The following DAB1 variants were observed in gnomAD, a reference collection of about 807,000 sequenced individuals.
DAB1 encodes DAB adaptor protein 1.
In DAB1, 15 loss-of-function variants were observed where a neutral mutation model predicts 64.6. The ratio of observed to expected loss-of-function variants is 0.23; its 90% CI spans 0.16 to 0.36. The LOEUF is 0.36. DAB1 is among the 10% of genes least tolerant of loss of function. The pLI, the probability that DAB1 is intolerant of heterozygous loss-of-function variation, is 1.00. For missense variants in DAB1, 596 were observed against 706.7 expected (o/e 0.84, Z 1.78); for synonymous variants, 235 against 251.9 (o/e 0.93, Z 0.64).
Position 58,277,424 on chromosome 1 carries a change from G to A in DAB1, n.309+65928C>T, listed in dbSNP as rs533468358. 2.6e-5 allele frequency among the ~76,000 whole-genome samples: 4 copies of A among 152,290 alleles called. No individual in the cohort carries two copies. The South Asian group carries it at 8.3e-4, about 32-fold the overall frequency. On this transcript the variant is annotated intron_variant and non_coding_transcript_variant, in intron 4 of 20. Transcript: ENST00000485760. ...TACTCAAATATCATCCGTGCTAAAG[G>A]ATTTTAAGATGAGATTGAGCTTCAC...
At chr1:57,389,614 A>G (rs1682176329) in intron 1 of DAB1, among the ~76,000 whole-genome samples, 1 of 152,190 alleles carries the variant, frequency 6.6e-6, no homozygotes, top group South Asian at 2.1e-4. Flanking sequence ...AACAAAAGAA[A>G]TGAAGGATGG....
intron 5 of DAB1, among the ~76,000 whole-genome samples, chr1:58,131,774 G>T (rs56378885): frequency 0.17 from 23,356 of 140,974 alleles, 1,808 homozygotes; most frequent in East Asian, 0.31. Context: ...CTGCTCGGGG[G>T]TCAGGGGTCA....
chr1:57,029,137 G>C (rs1032889096), intron 9 of DAB1, among the ~76,000 whole-genome samples: 13 of 152,180 alleles, frequency 8.5e-5, no homozygotes, highest in Non-Finnish European at 1.6e-4. Context: ...ATACAGTCTA[G>C]GGACTTGGTG....
At position 58,182,777 on chromosome 1, in the gene DAB1, G is replaced by A. The variant is rs555980894; in HGVS notation, n.310-32189C>T. Reference sequence around the variant, plus strand: ...TAGCTGCTTTGAAGTCTTTTTCTGCGAAGTCCAAATCTGTACCCGTCAAAT... The same window carrying A: ...TAGCTGCTTTGAAGTCTTTTTCTGCAAAGTCCAAATCTGTACCCGTCAAAT... On this transcript the variant is annotated intron_variant and non_coding_transcript_variant, in intron 4 of 20. Transcript: ENST00000485760. 3.4e-4 allele frequency among the ~76,000 whole-genome samples: 51 copies of A among 151,860 alleles called. 1 individual carries two copies. Among genetic ancestry groups the A allele is most frequent in the Middle Eastern group, 3.4e-3 (1 of 294 alleles).
chr1:57,085,225 A>G (rs988322910), intron 4 of DAB1, among the ~76,000 whole-genome samples: 1 of 152,298 alleles, frequency 6.6e-6, no homozygotes, highest in South Asian at 2.1e-4. Flanking sequence ...TCTGATGCCA[A>G]GCTTCATGCC....
At chr1:58,288,373 A>G (rs1196577172) in intron 4 of DAB1, among the ~76,000 whole-genome samples, 1 of 152,194 alleles carries the variant, frequency 6.6e-6, no homozygotes, top group Non-Finnish European at 1.5e-5. Context: ...CAATGGTATA[A>G]TGAAATGGAA....
intron 7 of DAB1, among the ~76,000 whole-genome samples, chr1:57,578,240 A>T (rs1347805626): frequency 6.6e-6 from 1 of 152,166 alleles, no homozygotes; most frequent in East Asian, 1.9e-4. Context: ...TTTCTATCAA[A>T]CCAAGGAGCT....
chr1:58,484,968 A>G (rs1029270605), intron 3 of DAB1, among the ~76,000 whole-genome samples: 5 of 152,110 alleles, frequency 3.3e-5, no homozygotes, highest in African/African-American at 1.2e-4. Flanking sequence ...ATGATGCTAT[A>G]ATGGTGGATA....
At chr1:58,206,226 A>G (rs1658273345) in intron 4 of DAB1, among the ~76,000 whole-genome samples, 1 of 152,292 alleles carries the variant, frequency 6.6e-6, no homozygotes, top group East Asian at 1.9e-4. Flanking sequence ...GAAAGGCGGG[A>G]CAACTCTAAC....
At chr1:57,441,505 C>G (rs1685959924) in intron 7 of DAB1, among the ~76,000 whole-genome samples, 1 of 151,988 alleles carries the variant, frequency 6.6e-6, no homozygotes, top group South Asian at 2.1e-4. Context: ...CAGGCACACA[C>G]CACCACACCT....
intron 4 of DAB1, among the ~76,000 whole-genome samples, chr1:58,302,038 C>T (rs960593961): frequency 1.3e-5 from 2 of 152,076 alleles, no homozygotes; most frequent in African/African-American, 4.8e-5. Flanking sequence ...GTTCAGGAAC[C>T]TGTAGCTTAA....
rs148145860 is a variant in DAB1 at position 58,490,795 on chromosome 1, CTTTTTTTTTTT to C, written n.257+15254_257+15264del. 8.6e-4 allele frequency among the ~76,000 whole-genome samples: 51 copies of C among 59,272 alleles called. 1 individual carries two copies. The highest frequency in any genetic ancestry group is 2.9e-3 in the South Asian group (3 of 1,034). The allele number at this position is 59,272 out of a possible 152,430, so 38.9% of individuals were successfully genotyped here. ...AGAGTGGGGGCCAATAGTCAACATT[CTTTTTTTTTTT>C]TTTTTTTTTTTTTTTTTTTGAGACG... On this transcript the variant is annotated intron_variant and non_coding_transcript_variant, in intron 3 of 20. Coordinates refer to the DAB1 transcript ENST00000485760.
At chr1:57,163,778 G>C (rs1660978896) in intron 2 of DAB1, among the ~76,000 whole-genome samples, 1 of 152,052 alleles carries the variant, frequency 6.6e-6, no homozygotes, top group African/African-American at 2.4e-5. Context: ...TTGTGGAAGA[G>C]ACAGGAAAAG....
At chr1:58,098,578 A>G (rs915345262) in intron 5 of DAB1, among the ~76,000 whole-genome samples, 1 of 152,232 alleles carries the variant, frequency 6.6e-6, no homozygotes, top group Non-Finnish European at 1.5e-5. Flanking sequence ...CCCAAAATTC[A>G]TATGTTGAAG....
chr1:58,124,602 T>C (rs1322581082), intron 5 of DAB1, among the ~76,000 whole-genome samples: 2 of 152,194 alleles, frequency 1.3e-5, no homozygotes, highest in African/African-American at 4.8e-5. Flanking sequence ...ATCAGAGAAA[T>C]GATTAAATAC....
intron 4 of DAB1, among the ~76,000 whole-genome samples, chr1:58,223,829 T>C (rs1557702664): frequency 1.3e-5 from 2 of 152,242 alleles, no homozygotes; most frequent in African/African-American, 2.4e-5. Context: ...GGCATCCAGA[T>C]GCTGGGGCCA....
At chr1:57,640,231 G>T (rs11207082) in intron 7 of DAB1, among the ~76,000 whole-genome samples, 2 of 152,140 alleles carry the variant, frequency 1.3e-5, no homozygotes, top group African/African-American at 2.4e-5. Context: ...CATCTCTGAG[G>T]TTCCTTAGAT....
At chr1:57,930,920 C>G (rs1440008624) in intron 5 of DAB1, among the ~76,000 whole-genome samples, 2 of 152,088 alleles carry the variant, frequency 1.3e-5, no homozygotes, top group African/African-American at 4.8e-5. Context: ...AAGGGACATC[C>G]TTGTCTTGTT....
At chr1:57,456,584 T>A (rs1351673657) in intron 7 of DAB1, among the ~76,000 whole-genome samples, 1 of 152,182 alleles carries the variant, frequency 6.6e-6, no homozygotes, top group Non-Finnish European at 1.5e-5. Flanking sequence ...TGAAAAGTGG[T>A]TGGAGGAAGC....
Sources: allele counts gnomAD v4.1 joint callset (sites outside exome capture counted in the v4.1 genomes callset), GRCh38; gene constraint gnomAD v4.1.1; transcripts MANE v1.5; gene names NCBI Gene and HGNC (gene_info 2026-07-23, HGNC 2026-07-21).